NPNT: variants seen among roughly 807,000 people sequenced by gnomAD.
NPNT encodes nephronectin.
NPNT carries 45 observed loss-of-function variants against 68.6 expected under a neutral mutation model. The observed-to-expected ratio is 0.66, with a 90% confidence interval of 0.52 to 0.84. The LOEUF is 0.84. NPNT is among the 40% of genes least tolerant of loss of function. The pLI is 0.00. For synonymous variants in NPNT, 233 were observed against 253.3 expected (o/e 0.92, Z 0.76); for missense variants, 672 against 714.8 (o/e 0.94, Z 0.68).
At chr4:105,954,166 AT>A in intron 8 of NPNT, among the ~76,000 whole-genome samples, 1 of 152,112 alleles carries the variant, frequency 6.6e-6, no homozygotes, top group African/African-American at 2.4e-5. Context: ...TTTGTGGCTG[AT>A]TTTACCCCTG....
At chr4:105,962,667 G>A (rs1024763560) in intron 10 of NPNT, among the ~76,000 whole-genome samples, 10 of 152,166 alleles carry the variant, frequency 6.6e-5, no homozygotes, top group Admixed American at 2.0e-4. Context: ...TTCTAGCTTG[G>A]AAAGAAGGAT....
At chr4:105,908,099 T>C (rs1396322404) in intron 2 of NPNT, among the ~76,000 whole-genome samples, 3 of 152,100 alleles carry the variant, frequency 2.0e-5, no homozygotes, top group African/African-American at 7.2e-5. Context: ...ATAATAAAAA[T>C]GATTTCTTAG....
rs756811752 is a variant in NPNT at position 105,959,121 on chromosome 4, C to A, written c.1340C>A (p.Pro447Gln). 6.2e-7 allele frequency: 1 copy of A among 1,607,330 alleles called. No homozygotes were observed. The highest frequency in any genetic ancestry group is 1.7e-5 in the Admixed American group (1 of 60,022). Residue 447 changes from proline (P) to glutamine (Q), a missense_variant, in exon 10 of 12, where the codon CCA becomes CAA. Coordinates refer to ENST00000379987, the MANE Select transcript of NPNT (RefSeq NM_001033047.3). ...NDLHWEPIRD[P>Q]AGGQYLTVSA... The stretch of plus-strand genomic sequence containing the variant: ...TTGCACTGGGAACCAATCAGGGACC[C>A]AGCAGGTAAAACCATTTCATTTAAC...
intron 8 of NPNT, 76 bp from the exon 9 acceptor site, chr4:105,958,395 C>A: frequency 2.7e-6 from 2 of 746,856 alleles, no homozygotes; most frequent in East Asian, 2.7e-5. Context: ...TCCTCCTGCC[C>A]TTGTTAAAGG....
intron 11 of NPNT, among the ~76,000 whole-genome samples, chr4:105,968,017 T>A (rs1732310495): frequency 6.6e-6 from 1 of 152,156 alleles, no homozygotes; most frequent in African/African-American, 2.4e-5. Context: ...ATATATAAAT[T>A]TGATCTTAAG....
rs557405541 is a variant in NPNT at position 105,938,434 on chromosome 4, T to C, written c.505+14T>C. ...GGACCTGTGTAGGTGAGTTGTAAAA[T>C]CAAGCATCTCTGTCAGCAGCCTCTG... On this transcript the variant is annotated intron_variant, in intron 5 of 11. Coordinates refer to ENST00000379987, the MANE Select transcript of NPNT (RefSeq NM_001033047.3). 2.5e-5 allele frequency: 40 copies of C among 1,610,896 alleles called. No individual in the cohort carries two copies. The highest frequency in any genetic ancestry group is 3.4e-5 in the Non-Finnish European group (40 of 1,178,888).
chr4:105,927,471 C>A, intron 3 of NPNT, 43 bp downstream of exon 3: 1 of 1,144,444 alleles, frequency 8.7e-7, no homozygotes, highest in Non-Finnish European at 1.3e-6. Context: ...GAAGACACCT[C>A]TATCACTCCC....
At chr4:105,903,481 G>A (rs28369208) in intron 2 of NPNT, among the ~76,000 whole-genome samples, 2 of 152,122 alleles carry the variant, frequency 1.3e-5, no homozygotes, top group Non-Finnish European at 2.9e-5. Flanking sequence ...CACTCTTGCC[G>A]CTTTCCCATT....
chr4:105,964,150 G>A (rs1050120572), intron 10 of NPNT, among the ~76,000 whole-genome samples: 25 of 152,208 alleles, frequency 1.6e-4, no homozygotes, highest in African/African-American at 4.1e-4. Flanking sequence ...GCAGTGCCTC[G>A]CCCAGAGTTA....
At chr4:105,934,950 T>C (rs752808976) in intron 3 of NPNT, among the ~76,000 whole-genome samples, 11 of 152,214 alleles carry the variant, frequency 7.2e-5, no homozygotes, top group African/African-American at 1.2e-4. Context: ...GGGCCCTTTA[T>C]TGGCCCAGAC....
At chr4:105,917,467 T>G (rs1013805524) in intron 2 of NPNT, among the ~76,000 whole-genome samples, 28 of 152,222 alleles carry the variant, frequency 1.8e-4, no homozygotes, top group African/African-American at 6.0e-4. Flanking sequence ...GTCAGGAGAC[T>G]GTACACTACA....
intron 2 of NPNT, among the ~76,000 whole-genome samples, chr4:105,920,706 A>C (rs1728199061): frequency 6.6e-6 from 1 of 152,094 alleles, no homozygotes; most frequent in Non-Finnish European, 1.5e-5. Context: ...GAGATCAAAT[A>C]GATACTTGGT....
In NPNT at chr4:105,939,630, T is replaced by G. The variant is rs1729774265; in HGVS notation, c.506-445T>G. 2.0e-5 allele frequency among the ~76,000 whole-genome samples: 3 copies of G among 152,196 alleles called. No individual in the cohort carries two copies. In the South Asian group the frequency reaches 6.2e-4, roughly 32 times the overall value. On this transcript the variant is annotated intron_variant, in intron 5 of 11. Coordinates refer to ENST00000379987, the MANE Select transcript of NPNT (RefSeq NM_001033047.3). ...GGGGGTAAGTAACAGCAAAAGGAAC[T>G]GTTTTGAGGCTTTTGTAACAGTCTA...
chr4:105,912,396 A>G (rs1026021656), intron 2 of NPNT: 3 of 550,052 alleles, frequency 5.5e-6, no homozygotes, highest in African/African-American at 3.9e-5. Context: ...TGCTTATTCT[A>G]TACATAATTA....
Position 105,971,058 on chromosome 4 carries a change from G to A in NPNT, c.*2068G>A. 1 of 411,216 alleles carries A rather than the reference G, an allele frequency of 2.4e-6. No individual in the cohort carries two copies. 25.5% of individuals were successfully genotyped at this position (411,216 alleles called of 1,614,324 possible). On this transcript the variant is annotated 3_prime_UTR_variant, in exon 12 of 12. Transcript: ENST00000379987. ...GTTTTCAATGTTTCTTCATGTTAAA[G>A]GTATAAGCCTTTCATTTGTTCAATG...
At chr4:105,913,986 C>T (rs920319806) in intron 2 of NPNT, among the ~76,000 whole-genome samples, 24 of 151,964 alleles carry the variant, frequency 1.6e-4, no homozygotes, top group African/African-American at 5.8e-4. Flanking sequence ...AGGTAAAGAG[C>T]TAAGTTAGGT....
intron 2 of NPNT, among the ~76,000 whole-genome samples, chr4:105,908,633 G>A (rs1270370187): frequency 1.3e-5 from 2 of 150,948 alleles, no homozygotes; most frequent in Admixed American, 1.3e-4. Flanking sequence ...GTGCAATCTC[G>A]GCTCACTGCA....
intron 10 of NPNT, among the ~76,000 whole-genome samples, chr4:105,960,114 G>T (rs1441872182): frequency 2.0e-5 from 3 of 152,122 alleles, no homozygotes; most frequent in African/African-American, 7.2e-5. Context: ...CCAGCCAGAA[G>T]TTAAATCTTT....
At position 105,897,981 on chromosome 4, in the gene NPNT, A is replaced by G. The variant is rs1313386973; in HGVS notation, c.152A>G (p.Gln51Arg). The G allele has an allele frequency of 2.5e-6, 4 of 1,610,956 alleles. No individual in the cohort carries two copies. Among genetic ancestry groups the G allele is most frequent in the South Asian group, 2.2e-5 (2 of 90,494 alleles). ...RIDCCWGWAR[Q>R]SWGQCQPVCQ... ...GACTGCTGCTGGGGCTGGGCTCGCCAGTCTTGGGGACAGTGTCAGCGTGAG... is the reference window on the plus strand; with the variant it reads ...GACTGCTGCTGGGGCTGGGCTCGCCGGTCTTGGGGACAGTGTCAGCGTGAG... Residue 51 changes from glutamine (Q) to arginine (R), a missense_variant, in exon 2 of 12, where the codon CAG becomes CGG. By Grantham distance (43) the Gln-to-Arg change is conservative. Transcript: ENST00000379987.
Sources: gnomAD v4.1 joint callset for allele counts (sites outside exome capture counted in the v4.1 genomes callset) on GRCh38, gnomAD v4.1.1 for gene constraint, MANE v1.5 for transcripts, NCBI Gene and HGNC (gene_info 2026-07-23, HGNC 2026-07-21) for gene names.